The following RBFOX1 variants were observed in gnomAD, a reference collection of about 807,000 sequenced individuals.
RBFOX1 encodes the protein RNA binding protein fox-1 homolog 1.
RBFOX1 carries 8 observed loss-of-function variants against 57.7 expected under a neutral mutation model. That is an observed-to-expected ratio of 0.14 (90% CI 0.08 to 0.25). RBFOX1 has a LOEUF of 0.25. RBFOX1 is among the 10% of genes least tolerant of loss of function. The pLI is 1.00. For missense variants in RBFOX1, 611 were observed against 548.5 expected (o/e 1.11, Z -1.14); for synonymous variants, 326 against 222.4 (o/e 1.47, Z -4.15).
chr16:7,226,614 C>T (rs57707791), intron 4 of RBFOX1, among the ~76,000 whole-genome samples: 19,605 of 152,156 alleles, frequency 0.13, 3,751 homozygotes, highest in African/African-American at 0.42. Flanking sequence ...GTGTTAAGTG[C>T]TTTCAGAGTT....
intron 3 of RBFOX1, among the ~76,000 whole-genome samples, chr16:6,915,357 C>T (rs946356599): frequency 6.6e-6 from 1 of 152,150 alleles, no homozygotes; most frequent in Non-Finnish European, 1.5e-5. Context: ...GCTTGCTCTA[C>T]AGATTAGAAA....
chr16:7,293,971 A>G (rs1320716537), intron 4 of RBFOX1, among the ~76,000 whole-genome samples: 1 of 152,178 alleles, frequency 6.6e-6, no homozygotes, highest in African/African-American at 2.4e-5. Context: ...CTAGTCAGAA[A>G]TGCTTAATGA....
At chr16:7,544,877 C>G (rs2083986008) in intron 5 of RBFOX1, among the ~76,000 whole-genome samples, 1 of 152,090 alleles carries the variant, frequency 6.6e-6, no homozygotes, top group Admixed American at 6.6e-5. Flanking sequence ...TCTGGACATA[C>G]TGGAATGTCA....
At chr16:6,982,808 C>A (rs943993982) in intron 3 of RBFOX1, among the ~76,000 whole-genome samples, 2 of 152,080 alleles carry the variant, frequency 1.3e-5, no homozygotes, top group Non-Finnish European at 2.9e-5. Context: ...GCCTGGCCAA[C>A]ATGGCGGAGC....
chr16:5,273,426 T>G (rs1417128874), intron 1 of RBFOX1, among the ~76,000 whole-genome samples: 1 of 152,068 alleles, frequency 6.6e-6, no homozygotes, highest in Non-Finnish European at 1.5e-5. Flanking sequence ...AGAGTCTAGT[T>G]CCCACTCTCA....
chr16:6,720,073 G>A (rs1039127172), intron 3 of RBFOX1, among the ~76,000 whole-genome samples: 21 of 152,098 alleles, frequency 1.4e-4, no homozygotes, highest in Non-Finnish European at 2.4e-4. Context: ...CACCCTGGGC[G>A]ACAGTGTGAG....
intron 3 of RBFOX1, chr16:5,611,118 T>C (rs1367391940): frequency 1.3e-5 from 2 of 152,210 alleles, no homozygotes; most frequent in South Asian, 2.1e-4. Flanking sequence ...CTGACCCACA[T>C]GTGCTCTGTT....
At chr16:6,926,470 T>G (rs2075608155) in intron 3 of RBFOX1, among the ~76,000 whole-genome samples, 1 of 152,118 alleles carries the variant, frequency 6.6e-6, no homozygotes, top group Non-Finnish European at 1.5e-5. Context: ...AGATAGTAGG[T>G]TCAGTGGGTT....
chr16:5,458,788 A>G (rs1465266515), intron 1 of RBFOX1, among the ~76,000 whole-genome samples: 1 of 152,228 alleles, frequency 6.6e-6, no homozygotes, highest in Non-Finnish European at 1.5e-5. Context: ...CCATCCGTCC[A>G]TCCATTCACC....
intron 3 of RBFOX1, among the ~76,000 whole-genome samples, chr16:6,836,481 T>A (rs1249459401): frequency 6.6e-6 from 1 of 152,232 alleles, no homozygotes; most frequent in Admixed American, 6.5e-5. Context: ...GTATCTTGCT[T>A]TCTGTATCAC....
At chr16:6,614,802 T>C (rs945709667) in intron 2 of RBFOX1, among the ~76,000 whole-genome samples, 4 of 152,224 alleles carry the variant, frequency 2.6e-5, no homozygotes, top group African/African-American at 4.8e-5. Flanking sequence ...ATCAGTCATA[T>C]TGACCTAGGG....
intron 3 of RBFOX1, chr16:5,632,423 G>C (rs1455001766): frequency 2.0e-5 from 3 of 152,192 alleles, no homozygotes; most frequent in African/African-American, 7.2e-5. Context: ...GTTGTGGTGA[G>C]AATCAAATTA....
rs143054386 is a variant in RBFOX1 at position 5,821,921 on chromosome 16, G to T, written c.319-45382G>T. Among the ~76,000 whole-genome samples, 469 of 152,296 alleles carry T rather than the reference G, an allele frequency of 3.1e-3. 5 individuals carry two copies. The highest frequency in any genetic ancestry group is 0.011 in the African/African-American group (457 of 41,564). On this transcript the variant is annotated intron_variant, in intron 3 of 19. Coordinates refer to the RBFOX1 transcript ENST00000641259. ...CTTCATGGCCTGATCACCTCCTAAA[G>T]ACCCCACTTACTAATAATGTTGCAT...
chr16:7,594,935 T>C (rs1290502251), intron 7 of RBFOX1, among the ~76,000 whole-genome samples: 2 of 152,224 alleles, frequency 1.3e-5, no homozygotes, highest in African/African-American at 4.8e-5. Context: ...TTTTGTTTAT[T>C]AGACCAAAGA....
intron 3 of RBFOX1, among the ~76,000 whole-genome samples, chr16:6,907,311 T>C (rs1476562358): frequency 6.6e-6 from 1 of 152,152 alleles, no homozygotes; most frequent in Non-Finnish European, 1.5e-5. Flanking sequence ...CCTTCAGTAT[T>C]CCCAGTGCCC....
chr16:5,535,992 C>G (rs959473093), intron 2 of RBFOX1, among the ~76,000 whole-genome samples: 1 of 152,096 alleles, frequency 6.6e-6, no homozygotes, highest in Non-Finnish European at 1.5e-5. Context: ...GTTTGTACAG[C>G]CACACACCGA....
At chr16:7,485,112 T>G (rs937733075) in intron 4 of RBFOX1, among the ~76,000 whole-genome samples, 9 of 152,144 alleles carry the variant, frequency 5.9e-5, no homozygotes, top group African/African-American at 2.2e-4. Context: ...AAGAGAAGTC[T>G]TATTCCCTCA....
chr16:7,062,892 C>CTT (rs1491558284), intron 4 of RBFOX1, among the ~76,000 whole-genome samples: 939 of 59,882 alleles, frequency 0.016, 74 homozygotes, highest in Non-Finnish European at 0.021. Flanking sequence ...AAATGATCGC[C>CTT]ATTTTTTTTT....
At chr16:5,289,873 A>G (rs1304679950) in intron 1 of RBFOX1, among the ~76,000 whole-genome samples, 1 of 152,276 alleles carries the variant, frequency 6.6e-6, no homozygotes, top group Non-Finnish European at 1.5e-5. Context: ...CTTCTACTCC[A>G]GTTTATGAAA....
Sources: allele counts gnomAD v4.1 joint callset (sites outside exome capture counted in the v4.1 genomes callset), GRCh38; gene constraint gnomAD v4.1.1; transcripts MANE v1.5; gene names NCBI Gene and HGNC (gene_info 2026-07-23, HGNC 2026-07-21).